The following SEMA5A variants were observed in gnomAD, a reference collection of about 807,000 sequenced individuals.
SEMA5A encodes semaphorin 5A.
SEMA5A carries 55 observed loss-of-function variants against 135.5 expected under a neutral mutation model. That is an observed-to-expected ratio of 0.41 (90% CI 0.33 to 0.51). The LOEUF (loss-of-function observed/expected upper bound fraction) is 0.51, where lower values mean the gene tolerates loss of function less well. Among genes scored for constraint, SEMA5A ranks in the 20% least tolerant of loss-of-function variants. The probability of loss-of-function intolerance (pLI) is 0.37; values close to 1 mark genes in which losing one functional copy is unlikely to be tolerated. For synonymous variants in SEMA5A, 580 were observed against 546.5 expected (o/e 1.06, Z -0.85); for missense variants, 1,290 against 1,419.9 (o/e 0.91, Z 1.47).
intron 1 of SEMA5A, among the ~76,000 whole-genome samples, chr5:9,539,484 G>A (rs890040795): frequency 2.6e-5 from 4 of 152,164 alleles, no homozygotes; most frequent in Admixed American, 2.0e-4. Flanking sequence ...TCTGTAATGT[G>A]TAAACATATG....
chr5:9,097,625 T>C (rs755120602), intron 16 of SEMA5A, among the ~76,000 whole-genome samples: 1 of 152,180 alleles, frequency 6.6e-6, no homozygotes, highest in Non-Finnish European at 1.5e-5. Context: ...TTTCTGTACA[T>C]TGAATGAGCA....
chr5:9,403,691 G>T (rs187873620), intron 2 of SEMA5A, among the ~76,000 whole-genome samples: 58 of 152,288 alleles, frequency 3.8e-4, no homozygotes, highest in Non-Finnish European at 6.8e-4. Flanking sequence ...GCTGAAAAAT[G>T]AGCCAATCCT....
intron 5 of SEMA5A, among the ~76,000 whole-genome samples, chr5:9,296,163 G>C (rs973198000): frequency 6.6e-6 from 1 of 152,112 alleles, no homozygotes; most frequent in Non-Finnish European, 1.5e-5. Context: ...GAACCCCACA[G>C]AAGGAAAGAA....
intron 2 of SEMA5A, among the ~76,000 whole-genome samples, chr5:9,398,552 G>C (rs1756507056): frequency 6.6e-6 from 1 of 152,224 alleles, no homozygotes; most frequent in African/African-American, 2.4e-5. Context: ...TTTCCTAACA[G>C]ACAAGAGCCT....
chr5:9,538,810 G>T (rs1258651097), intron 1 of SEMA5A, among the ~76,000 whole-genome samples: 1 of 152,168 alleles, frequency 6.6e-6, no homozygotes, highest in African/African-American at 2.4e-5. Flanking sequence ...AGCACCCACT[G>T]GCCCTGGCGC....
At chr5:9,392,215 T>C (rs989445637) in intron 2 of SEMA5A, among the ~76,000 whole-genome samples, 2 of 152,198 alleles carry the variant, frequency 1.3e-5, no homozygotes, top group Non-Finnish European at 2.9e-5. Flanking sequence ...CCATTATTAT[T>C]TTATCTTCTT....
At chr5:9,338,484 G>A (rs1052454442) in intron 3 of SEMA5A, among the ~76,000 whole-genome samples, 1 of 152,084 alleles carries the variant, frequency 6.6e-6, no homozygotes, top group Non-Finnish European at 1.5e-5. Context: ...CCCAGAGTCC[G>A]ATAATTATAA....
At position 9,036,290 on chromosome 5, in the gene SEMA5A, G is replaced by GATA. The variant is rs1344253773; in HGVS notation, c.*6604_*6606dup. On this transcript the variant is annotated 3_prime_UTR_variant, in exon 23 of 23. Transcript: ENST00000382496. ...GAGAAAAACAATCAACTTCAGCAGA[G>GATA]ATAATACTATTACTTTTCTTAACCC... 2 of 152,180 alleles carry GATA rather than the reference G, an allele frequency of 1.3e-5. No homozygotes were observed. The highest frequency in any genetic ancestry group is 2.9e-5 in the Non-Finnish European group (2 of 68,024). The allele number at this position is 152,180 out of a possible 1,614,324, so 9.4% of individuals were successfully genotyped here.
At chr5:9,477,020 A>G (rs1262393195) in intron 1 of SEMA5A, among the ~76,000 whole-genome samples, 1 of 152,090 alleles carries the variant, frequency 6.6e-6, no homozygotes, top group Non-Finnish European at 1.5e-5. Flanking sequence ...GGGAGGGAGG[A>G]ACCTGGTAGG....
chr5:9,133,333 T>C (rs963148841), intron 13 of SEMA5A, among the ~76,000 whole-genome samples: 6 of 152,246 alleles, frequency 3.9e-5, no homozygotes, highest in Non-Finnish European at 8.8e-5. Flanking sequence ...ATTTTCAAAA[T>C]GGTAGCCTAT....
At chr5:9,388,458 G>T (rs1206879696) in intron 2 of SEMA5A, among the ~76,000 whole-genome samples, 1 of 144,930 alleles carries the variant, frequency 6.9e-6, no homozygotes, top group Non-Finnish European at 1.5e-5. Flanking sequence ...AGCAACAAAA[G>T]TCCTTTCTAA....
intron 16 of SEMA5A, among the ~76,000 whole-genome samples, chr5:9,094,832 T>C (rs1454244990): frequency 2.6e-5 from 4 of 152,086 alleles, no homozygotes; most frequent in Admixed American, 2.6e-4. Context: ...TAATAGTGTG[T>C]GGGATGTTAC....
At chr5:9,328,475 G>T (rs574992790) in intron 4 of SEMA5A, among the ~76,000 whole-genome samples, 2 of 152,314 alleles carry the variant, frequency 1.3e-5, no homozygotes, top group East Asian at 3.9e-4. Context: ...AGCAATGGGA[G>T]CTTGATTAAA....
chr5:9,048,299 G>C (rs1181046027), intron 21 of SEMA5A, among the ~76,000 whole-genome samples: 1 of 152,204 alleles, frequency 6.6e-6, no homozygotes, highest in Non-Finnish European at 1.5e-5. Context: ...TGAATTCCAT[G>C]TGTGCACTTG....
At chr5:9,349,426 T>G (rs1305529100) in intron 3 of SEMA5A, among the ~76,000 whole-genome samples, 5 of 152,116 alleles carry the variant, frequency 3.3e-5, no homozygotes, top group Non-Finnish European at 5.9e-5. Context: ...TTCAAGACAT[T>G]TATAATTTAG....
intron 13 of SEMA5A, among the ~76,000 whole-genome samples, chr5:9,133,751 T>G (rs1217355532): frequency 6.6e-6 from 1 of 151,744 alleles, no homozygotes; most frequent in Admixed American, 6.6e-5. Context: ...TCTCTTCACT[T>G]CTGAAATATT....
In SEMA5A at chr5:9,234,719, G is replaced by A. The variant is rs189386574; in HGVS notation, c.333+3109C>T. ...TGTTAAAAAATCCATTCACAAATGC[G>A]GTTTGAGTCAATTAATAATTACTAA... On this transcript the variant is annotated intron_variant, in intron 6 of 22. Transcript: ENST00000382496. 5.3e-5 allele frequency among the ~76,000 whole-genome samples: 8 copies of A among 152,182 alleles called. No individual in the cohort carries two copies. In the East Asian group the frequency reaches 1.2e-3, roughly 22 times the overall value.
intron 5 of SEMA5A, among the ~76,000 whole-genome samples, chr5:9,298,788 A>G (rs1751461967): frequency 6.6e-6 from 1 of 152,226 alleles, no homozygotes; most frequent in Non-Finnish European, 1.5e-5. Flanking sequence ...AGCTTTAAAT[A>G]TATACTGAGT....
chr5:9,364,725 G>A lies in SEMA5A; in HGVS notation c.124+15098C>T, dbSNP rs151261480. Among the ~76,000 whole-genome samples, 675 of 152,270 alleles carry A rather than the reference G, an allele frequency of 4.4e-3. 4 individuals carry two copies. The highest frequency in any genetic ancestry group is 6.3e-3 in the Non-Finnish European group (426 of 68,014). The stretch of plus-strand genomic sequence containing the variant: ...ACATACTTAGCTATTCCTAAAGAGA[G>A]TCAAATTCCCATTGTTCATCTCAAA... On this transcript the variant is annotated intron_variant, in intron 3 of 22. Transcript: ENST00000382496.
Sources: gnomAD v4.1 joint callset for allele counts (sites outside exome capture counted in the v4.1 genomes callset) on GRCh38, gnomAD v4.1.1 for gene constraint, MANE v1.5 for transcripts, NCBI Gene and HGNC (gene_info 2026-07-23, HGNC 2026-07-21) for gene names.